SGCZ: variants seen among roughly 807,000 people sequenced by gnomAD.
The protein encoded by SGCZ is zeta-sarcoglycan.
A neutral mutation model predicts 41.3 loss-of-function variants in SGCZ; 40 were observed. That is an observed-to-expected ratio of 0.97 (90% CI 0.75 to 1.26). The LOEUF is 1.26. Among genes scored for constraint, SGCZ ranks in the 50% most tolerant of loss-of-function variants. The pLI, the probability that SGCZ is intolerant of heterozygous loss-of-function variation, is 0.00. For missense variants in SGCZ, 552 were observed against 369.8 expected (o/e 1.49, Z -4.04); for synonymous variants, 206 against 137.5 (o/e 1.50, Z -3.49).
rs554351208 is a variant in SGCZ at position 14,893,621 on chromosome 8, T to G, written c.40-338695A>C. On this transcript the variant is annotated intron_variant, in intron 1 of 7. Coordinates refer to ENST00000382080, the MANE Select transcript of SGCZ (RefSeq NM_139167.4). ...TAATTTTAGGAATTTCTCATAAAGC[T>G]TTATAAATAATGCTGTCATTTATCA... Among the ~76,000 whole-genome samples the G allele has an allele frequency of 1.3e-5, 2 of 152,196 alleles. 1 individual carries two copies. Among genetic ancestry groups the G allele is most frequent in the South Asian group, 4.1e-4 (2 of 4,834 alleles).
intron 1 of SGCZ, among the ~76,000 whole-genome samples, chr8:15,116,499 C>A (rs988382552): frequency 6.6e-6 from 1 of 152,062 alleles, no homozygotes; most frequent in Non-Finnish European, 1.5e-5. Flanking sequence ...CAATTTTAAA[C>A]GATAGATTTT....
At chr8:14,184,365 A>G (rs1313718943) in intron 4 of SGCZ, among the ~76,000 whole-genome samples, 2 of 152,150 alleles carry the variant, frequency 1.3e-5, no homozygotes, top group Non-Finnish European at 2.9e-5. Flanking sequence ...ATTTATCTTG[A>G]AGTCATATTT....
chr8:14,201,455 A>G (rs1382876633), intron 4 of SGCZ, among the ~76,000 whole-genome samples: 1 of 152,224 alleles, frequency 6.6e-6, no homozygotes, highest in Non-Finnish European at 1.5e-5. Flanking sequence ...ATAAAAAGGA[A>G]CAAAATTGTT....
intron 2 of SGCZ, chr8:14,332,554 A>C (rs1445536472): frequency 6.6e-6 from 1 of 152,162 alleles, no homozygotes; most frequent in African/African-American, 2.4e-5. Context: ...AAATCCAGTG[A>C]GGCTGGTCTG....
chr8:14,929,526 G>C (rs1349908693), intron 1 of SGCZ, among the ~76,000 whole-genome samples: 1 of 150,666 alleles, frequency 6.6e-6, no homozygotes, highest in Non-Finnish European at 1.5e-5. Flanking sequence ...CTAACACAAT[G>C]ACCATTGGCC....
intron 1 of SGCZ, among the ~76,000 whole-genome samples, chr8:14,933,176 T>A (rs542629283): frequency 2.0e-5 from 3 of 151,872 alleles, no homozygotes; most frequent in Non-Finnish European, 4.4e-5. Flanking sequence ...ACAGCAAACG[T>A]CAGAAACACA....
intron 4 of SGCZ, among the ~76,000 whole-genome samples, chr8:14,219,650 G>C (rs1469712556): frequency 6.6e-6 from 1 of 152,136 alleles, no homozygotes; most frequent in Non-Finnish European, 1.5e-5. Context: ...GGGAAGCTGA[G>C]GCAGGAGAAT....
rs191258893 is a variant in SGCZ at position 15,000,637 on chromosome 8, G to A, written c.39+236948C>T. On this transcript the variant is annotated intron_variant, in intron 1 of 7. Transcript: ENST00000382080. ...GCCACGTGTACAGCAAAGAACAGAG[G>A]AGATGGCACCGCTCAACTGGAAAGC... Among the ~76,000 whole-genome samples the A allele has an allele frequency of 1.2e-4, 18 of 152,236 alleles. No homozygotes were observed. The South Asian group carries it at 3.5e-3, about 30-fold the overall frequency.
At chr8:15,039,657 G>T (rs911250774) in intron 1 of SGCZ, among the ~76,000 whole-genome samples, 79 of 152,248 alleles carry the variant, frequency 5.2e-4, no homozygotes, top group African/African-American at 1.9e-3. Flanking sequence ...AGAGTAAAGT[G>T]TATTTCACCA....
chr8:14,644,567 G>A (rs534454223), intron 1 of SGCZ, among the ~76,000 whole-genome samples: 2 of 151,638 alleles, frequency 1.3e-5, no homozygotes, highest in Non-Finnish European at 2.9e-5. Flanking sequence ...TTGTATCTCT[G>A]GAGATCCTGA....
intron 1 of SGCZ, among the ~76,000 whole-genome samples, chr8:14,743,412 C>T (rs756961190): frequency 8.5e-5 from 13 of 152,108 alleles, no homozygotes; most frequent in Admixed American, 4.6e-4. Flanking sequence ...TAATGGAATA[C>T]TGTTTTATAT....
chr8:14,342,951 G>A (rs895113548), intron 2 of SGCZ, among the ~76,000 whole-genome samples: 2 of 152,150 alleles, frequency 1.3e-5, no homozygotes, highest in East Asian at 1.9e-4. Context: ...CCTGGGCTGT[G>A]TGTGCAGCCT....
chr8:14,175,850 A>ATTTTT (rs1804527041), intron 4 of SGCZ, among the ~76,000 whole-genome samples: 1 of 152,170 alleles, frequency 6.6e-6, no homozygotes, highest in African/African-American at 2.4e-5. Flanking sequence ...ACTAAAACAT[A>ATTTTT]AAATTCAAAA....
intron 4 of SGCZ, among the ~76,000 whole-genome samples, chr8:14,190,432 T>C (rs1290927995): frequency 6.6e-6 from 1 of 152,048 alleles, no homozygotes; most frequent in Admixed American, 6.6e-5. Context: ...ACTTTCATTA[T>C]TGATACGTCT....
At chr8:14,431,075 G>A (rs1799930030) in intron 2 of SGCZ, among the ~76,000 whole-genome samples, 1 of 152,158 alleles carries the variant, frequency 6.6e-6, no homozygotes, top group African/African-American at 2.4e-5. Flanking sequence ...CCATGCTCAT[G>A]GATGAGTAGA....
At chr8:14,785,660 G>T (rs2130450855) in intron 1 of SGCZ, among the ~76,000 whole-genome samples, 1 of 152,226 alleles carries the variant, frequency 6.6e-6, no homozygotes, top group South Asian at 2.1e-4. Context: ...TAACTTTAAA[G>T]ATTTGAGTTT....
intron 1 of SGCZ, among the ~76,000 whole-genome samples, chr8:14,624,717 TGC>T (rs1373052655): frequency 2.6e-5 from 4 of 151,506 alleles, no homozygotes; most frequent in Admixed American, 2.6e-4. Flanking sequence ...ACTACAGATG[TGC>T]GCCACCACAC....
At chr8:14,695,714 A>ACACAT (rs368790251) in intron 1 of SGCZ, among the ~76,000 whole-genome samples, 7 of 151,538 alleles carry the variant, frequency 4.6e-5, no homozygotes, top group Non-Finnish European at 1.0e-4. Context: ...CACACACACA[A>ACACAT]ACCAACAATA....
chr8:14,354,355 A>AAAAGCGT (rs1425524764), intron 2 of SGCZ, among the ~76,000 whole-genome samples: 1 of 151,960 alleles, frequency 6.6e-6, no homozygotes, highest in African/African-American at 2.4e-5. Context: ...ATAAAACAAG[A>AAAAGCGT]AAAGCGTAGA....
Sources: allele counts gnomAD v4.1 joint callset (sites outside exome capture counted in the v4.1 genomes callset), GRCh38; gene constraint gnomAD v4.1.1; transcripts MANE v1.5; gene names NCBI Gene and HGNC (gene_info 2026-07-23, HGNC 2026-07-21).